Variants in CEP76 observed in about 807,000 individuals in gnomAD.
CEP76 encodes the protein centrosomal protein of 76 kDa.
CEP76 carries 55 observed loss-of-function variants against 83.3 expected under a neutral mutation model. That is an observed-to-expected ratio of 0.66 (90% confidence interval 0.53 to 0.83). The LOEUF is 0.83. Among genes scored for constraint, CEP76 ranks in the 40% least tolerant of loss-of-function variants. The pLI is 0.00. For missense variants in CEP76, 694 were observed against 799.5 expected, an observed-to-expected ratio of 0.87 and a Z score of 1.59; for synonymous variants, 270 against 274.5, an observed-to-expected ratio of 0.98 and a Z score of 0.16.
chr18:12,689,437 A>G (rs1428023779), intron 7 of CEP76, among the ~76,000 whole-genome samples: 1 of 152,188 alleles, frequency 6.6e-6, no homozygotes, highest in African/African-American at 2.4e-5. Context: ...CCTTGAAAAG[A>G]CTGTTCACTT....
At chr18:12,690,078 C>T (rs554786954) in intron 7 of CEP76, among the ~76,000 whole-genome samples, 4 of 141,038 alleles carry the variant, frequency 2.8e-5, no homozygotes, top group Non-Finnish European at 4.9e-5. Flanking sequence ...CGTGAGCCAC[C>T]GCGCCCGGCC....
In CEP76 at chr18:12,702,510, C is replaced by T. The variant is rs1350983525; in HGVS notation, c.39G>A (p.Gln13=). ...CCTTGCTCAGCTGCTGGTGGATGAG[C>T]TGCTTCAGCTCGGAGGCTTTCTCCG... ...LPPEKASELK[Q]LIHQQLSKMD... Residue 13 remains glutamine (Q), a synonymous_variant, in exon 1 of 12, where the codon CAG becomes CAA. Transcript: ENST00000262127. 6 of 1,610,142 alleles carry T rather than the reference C, an allele frequency of 3.7e-6. No individual in the cohort carries two copies. The highest frequency in any genetic ancestry group is 5.1e-6 in the Non-Finnish European group (6 of 1,178,900).
intron 10 of CEP76, among the ~76,000 whole-genome samples, chr18:12,676,877 T>C (rs1285742246): frequency 6.6e-6 from 1 of 152,160 alleles, no homozygotes; most frequent in African/African-American, 2.4e-5. Flanking sequence ...TTGCCTTTGA[T>C]AGCCCCAAAG....
intron 4 of CEP76, among the ~76,000 whole-genome samples, chr18:12,698,514 T>C (rs2040040263): frequency 6.6e-6 from 1 of 152,154 alleles, no homozygotes; most frequent in Non-Finnish European, 1.5e-5. Context: ...TGCCCAGACT[T>C]GTCTTGAACT....
rs1245484496 is a variant in CEP76, at chr18:12,695,283, T to G, written c.775A>C (p.Thr259Pro). Reference sequence around the variant, plus strand: ...GTGTTCACTACTTCTTGAGATAACGTTTGATTGAGTGGTGGATACATTTCA... The same window carrying G: ...GTGTTCACTACTTCTTGAGATAACGGTTGATTGAGTGGTGGATACATTTCA... ...KLEMYPPLNQ[T>P]LSQEVVNTQL... The change falls in exon 6 of 12, where the codon ACG (threonine) becomes CCG (proline). Residue 259 changes from threonine (T) to proline (P), a missense_variant. Physicochemically the swap from Thr to Pro is conservative, Grantham distance 38. Coordinates refer to ENST00000262127, the MANE Select transcript of CEP76 (RefSeq NM_024899.4). The G allele has an allele frequency of 6.4e-7, 1 of 1,560,732 alleles. No homozygotes were observed. Among genetic ancestry groups the G allele is most frequent in the Admixed American group, 1.7e-5 (1 of 57,550 alleles).
chr18:12,702,695 C>T lies in CEP76; in HGVS notation c.-147G>A. The T allele has an allele frequency of 9.2e-6, 8 of 864,892 alleles. No homozygotes were observed. In the South Asian group the frequency reaches 1.3e-4, roughly 14 times the overall value. 53.6% of individuals were successfully genotyped at this position (864,892 alleles called of 1,614,324 possible). ...GCGCAGCTCCCGGGGGACGCAACGC[C>T]GCGTCAGGCCGGGGGCTGACCTGGA... On this transcript the variant is annotated 5_prime_UTR_variant, in exon 1 of 12. Transcript: ENST00000262127.
In CEP76 at chr18:12,691,254, T is replaced by C. The variant is rs1319763934; in HGVS notation, c.933+105A>G. ...AGCATTTTATTTTACAAATACACTT[T>C]TATTTTTTGGAATACATTTTACAAA... On this transcript the variant is annotated intron_variant, in intron 7 of 11. Coordinates refer to ENST00000262127, the MANE Select transcript of CEP76 (RefSeq NM_024899.4). The C allele has an allele frequency of 2.1e-5, 15 of 721,280 alleles. No individual in the cohort carries two copies. The East Asian group carries it at 4.1e-4, about 20-fold the overall frequency. 44.7% of individuals were successfully genotyped at this position (721,280 alleles called of 1,614,324 possible).
chr18:12,674,741 T>C lies in CEP76; in HGVS notation c.1636A>G (p.Thr546Ala). The change falls in exon 11 of 12, where the codon ACT becomes GCT. Residue 546 changes from threonine to alanine, a missense_variant. Thr to Ala is a moderately conservative substitution (Grantham distance 58). Coordinates refer to ENST00000262127, the MANE Select transcript of CEP76 (RefSeq NM_024899.4). The stretch of plus-strand genomic sequence containing the variant: ...GAGAGCTGGTCTTCCCAAACAGTAG[T>C]GAGGCCAAGATCCTATGAGCAATCA... Reference protein sequence around the residue: ...VSEHRKDLGLTTVWEDQLSYL... With the variant: ...VSEHRKDLGLATVWEDQLSYL... The C allele has an allele frequency of 6.2e-7, 1 of 1,613,166 alleles. No individual in the cohort carries two copies. Among genetic ancestry groups the C allele is most frequent in the Non-Finnish European group, 8.5e-7 (1 of 1,179,288 alleles).
In CEP76 at chr18:12,672,856, A is replaced by G; in HGVS notation, c.*509T>C. 1 of 985,346 alleles carries G rather than the reference A, an allele frequency of 1.0e-6. No individual in the cohort carries two copies. Among genetic ancestry groups the G allele is most frequent in the African/African-American group, 1.7e-5 (1 of 57,356 alleles). The allele number at this position is 985,346 out of a possible 1,614,324, so 61.0% of individuals were successfully genotyped here. On this transcript the variant is annotated 3_prime_UTR_variant, in exon 12 of 12. Transcript: ENST00000262127. ...ATTTCTGGACAGTCTCAAATATCCC[A>G]AGGACCACGAATAAACCACAAAAGT...
In CEP76 at chr18:12,676,459, G is replaced by GAAAT. The variant is rs140220430; in HGVS notation, c.1623+1649_1623+1650insATTT. Among the ~76,000 whole-genome samples the GAAAT allele has an allele frequency of 1.1e-3, 171 of 151,436 alleles. 1 individual carries two copies. The highest frequency in any genetic ancestry group is 3.8e-3 in the African/African-American group (155 of 41,268). ...CCGGCTAATTTTTGTACTTTTTGTA[G>GAAAT]AGATAGGGTCTCACCACGTTGCCCA... On this transcript the variant is annotated intron_variant, in intron 10 of 11. Transcript: ENST00000262127.
intron 9 of CEP76, 144 bp from the exon 10 acceptor site, chr18:12,678,586 C>A (rs919625112): frequency 1.7e-6 from 1 of 591,864 alleles, no homozygotes; most frequent in Non-Finnish European, 2.9e-6. Context: ...TATATTTCCA[C>A]AATTTGATTA....
chr18:12,681,866 T>C (rs1205951922), intron 8 of CEP76, among the ~76,000 whole-genome samples: 2 of 151,908 alleles, frequency 1.3e-5, no homozygotes, highest in Non-Finnish European at 2.9e-5. Flanking sequence ...TATGGTGGTG[T>C]GTGCCTGTAA....
chr18:12,694,805 G>A (rs958373198), intron 6 of CEP76, among the ~76,000 whole-genome samples: 1 of 151,278 alleles, frequency 6.6e-6, no homozygotes, highest in Admixed American at 6.6e-5. Flanking sequence ...TCCTCTTACC[G>A]GTTCACGCCA....
intron 6 of CEP76, chr18:12,692,334 C>G (rs2039798220): frequency 6.6e-6 from 1 of 151,570 alleles, no homozygotes; most frequent in Non-Finnish European, 1.5e-5. Flanking sequence ...AAAAAACATA[C>G]TGTCATTCTC....
At position 12,697,223 on chromosome 18, in the gene CEP76, C is replaced by T; in HGVS notation, c.706G>A (p.Gly236Ser). 3 of 1,607,454 alleles carry T rather than the reference C, an allele frequency of 1.9e-6. No individual in the cohort carries two copies. The highest frequency in any genetic ancestry group is 2.6e-6 in the Non-Finnish European group (3 of 1,175,714). Residue 236 changes from glycine (G) to serine (S), a missense_variant and splice_region_variant, in exon 5 of 12, where the codon GGC (glycine) becomes AGC (serine). Physicochemically the swap from Gly to Ser is moderately conservative, Grantham distance 56. Coordinates refer to ENST00000262127, the MANE Select transcript of CEP76 (RefSeq NM_024899.4). The part of the protein sequence containing the change: ...TSLTVELMGV[G>S]TESKVSVGIL... ...AACAATGATATATTAATCACCATACCTACACCCATAAGTTCCACAGTCAGA... is the reference window on the plus strand; with the variant it reads ...AACAATGATATATTAATCACCATACTTACACCCATAAGTTCCACAGTCAGA...
rs1160799385 is a variant in CEP76, at chr18:12,693,786, AAAC to A, written c.804+1465_804+1467del. On this transcript the variant is annotated intron_variant, in intron 6 of 11. Coordinates refer to ENST00000262127, the MANE Select transcript of CEP76 (RefSeq NM_024899.4). The stretch of plus-strand genomic sequence containing the variant: ...GACAGAGCGAGACTCTGTCTGAAAA[AAAC>A]AAACAAAAAAACCCCTCACGTATAC... Among the ~76,000 whole-genome samples, 5 of 152,148 alleles carry A rather than the reference AAAC, an allele frequency of 3.3e-5. No individual in the cohort carries two copies. In the East Asian group the frequency reaches 7.7e-4, roughly 23 times the overall value.
At position 12,678,267 on chromosome 18, in the gene CEP76, T is replaced by TCA. The variant is rs1182871617; in HGVS notation, c.1464_1465insTG (p.Lys489Ter). On this transcript the variant is annotated frameshift_variant, in exon 10 of 12. Transcript: ENST00000262127. LOFTEE classifies it high-confidence loss of function. ...TTAATTGCTTCCTCACTCATGGGTT[T>TCA]CCATTTGGATTCATCGTTCAAATCA... The TCA allele has an allele frequency of 1.9e-6, 3 of 1,614,046 alleles. No individual in the cohort carries two copies. Among genetic ancestry groups the TCA allele is most frequent in the Non-Finnish European group, 2.5e-6 (3 of 1,180,038 alleles).
intron 6 of CEP76, among the ~76,000 whole-genome samples, chr18:12,692,737 T>G (rs1158579561): frequency 1.3e-5 from 2 of 152,234 alleles, no homozygotes; most frequent in African/African-American, 4.8e-5. Context: ...TCTAGCTGTC[T>G]GCTGCCCTAT....
chr18:12,668,202 T>C (rs1598606490), downstream of CEP76, among the ~76,000 whole-genome samples: 3 of 151,210 alleles, frequency 2.0e-5, no homozygotes, highest in Admixed American at 1.3e-4. Flanking sequence ...GAGGTGGAGG[T>C]TGCATTGATC....
Sources: allele counts gnomAD v4.1 joint callset (sites outside exome capture counted in the v4.1 genomes callset), GRCh38; gene constraint gnomAD v4.1.1; transcripts MANE v1.5; gene names NCBI Gene and HGNC (gene_info 2026-07-23, HGNC 2026-07-21).